Variants in LRRC28 observed in about 807,000 individuals in gnomAD.
LRRC28 encodes leucine-rich repeat-containing protein 28.
In LRRC28, 39 loss-of-function variants were observed where a neutral mutation model predicts 45.7. The ratio of observed to expected loss-of-function variants is 0.85; its 90% CI spans 0.66 to 1.12. The LOEUF is 1.12. Among genes scored for constraint, LRRC28 ranks in the 50% most tolerant of loss-of-function variants. LRRC28 has a pLI of 0.00. For synonymous variants in LRRC28, 206 were observed against 178.8 expected (o/e 1.15, Z -1.22); for missense variants, 435 against 438.5 (o/e 0.99, Z 0.07).
chr15:99,265,571 C>G (rs563112954), intron 2 of LRRC28, among the ~76,000 whole-genome samples: 1 of 152,226 alleles, frequency 6.6e-6, no homozygotes, highest in South Asian at 2.1e-4. Context: ...GCATCGGTCC[C>G]TGTGGTCTTT....
At chr15:99,295,092 C>A (rs2082228932) in intron 5 of LRRC28, among the ~76,000 whole-genome samples, 2 of 152,120 alleles carry the variant, frequency 1.3e-5, no homozygotes, top group South Asian at 2.1e-4. Context: ...TTGAGTAGTT[C>A]ATTGTGTTTT....
chr15:99,312,121 A>G (rs1008365070), intron 5 of LRRC28, among the ~76,000 whole-genome samples: 3 of 152,236 alleles, frequency 2.0e-5, no homozygotes, highest in African/African-American at 7.2e-5. Context: ...CTTAATGGGA[A>G]TACATTCTAA....
chr15:99,351,624 T>G (rs1347546150), intron 6 of LRRC28, among the ~76,000 whole-genome samples: 1 of 152,210 alleles, frequency 6.6e-6, no homozygotes, highest in Non-Finnish European at 1.5e-5. Flanking sequence ...GCCTGGATCT[T>G]CAGACTCCTG....
Position 99,300,596 on chromosome 15 carries a change from G to A in LRRC28, c.385+12645G>A, listed in dbSNP as rs577407129. 9.2e-5 allele frequency among the ~76,000 whole-genome samples: 14 copies of A among 152,306 alleles called. No individual in the cohort carries two copies. The South Asian group carries it at 2.1e-3, about 23-fold the overall frequency. ...AATCCCAGCACTTTGGGAGGCCGAT[G>A]TGGGTGGATCACTTGAGGTCAGGAG... is the stretch of plus-strand genomic sequence containing the variant. On this transcript the variant is annotated intron_variant, in intron 5 of 9. Transcript: ENST00000301981.
At chr15:99,362,598 G>A (rs926145878) in intron 8 of LRRC28, among the ~76,000 whole-genome samples, 1 of 151,662 alleles carries the variant, frequency 6.6e-6, no homozygotes, top group African/African-American at 2.4e-5. Flanking sequence ...AGTAAGTCAA[G>A]CAAACGCTTG....
chr15:99,294,719 C>CA (rs772813333), intron 5 of LRRC28, among the ~76,000 whole-genome samples: 51 of 152,324 alleles, frequency 3.3e-4, no homozygotes, highest in Non-Finnish European at 4.3e-4. Flanking sequence ...TAGGACCTCC[C>CA]AAAGGCCCCA....
intron 9 of LRRC28, among the ~76,000 whole-genome samples, chr15:99,366,476 G>C (rs138120253): frequency 1.4e-3 from 206 of 152,296 alleles, no homozygotes; most frequent in African/African-American, 4.0e-3. Flanking sequence ...CAAAATGACA[G>C]GGTGGCTTAA....
chr15:99,259,858 A>G (rs1462508682), intron 2 of LRRC28: 3 of 799,466 alleles, frequency 3.8e-6, no homozygotes, highest in East Asian at 4.9e-5. Context: ...GCCTTGCCTC[A>G]GTTTGAACAC....
chr15:99,352,334 A>C, intron 6 of LRRC28, 35 bp from the exon 7 acceptor site: 1 of 1,360,764 alleles, frequency 7.3e-7, no homozygotes, highest in Non-Finnish European at 1.0e-6. Context: ...TGGTGCCTGT[A>C]TATAGGAATT....
intron 6 of LRRC28, among the ~76,000 whole-genome samples, chr15:99,345,463 A>G (rs1481483859): frequency 1.3e-5 from 2 of 152,136 alleles, no homozygotes; most frequent in Non-Finnish European, 2.9e-5. Flanking sequence ...GGCCTTTCAT[A>G]TATGTTCTTT....
chr15:99,324,194 G>A (rs969550718), intron 5 of LRRC28, among the ~76,000 whole-genome samples: 3 of 152,156 alleles, frequency 2.0e-5, no homozygotes, highest in African/African-American at 7.2e-5. Context: ...GAGGAGGGTA[G>A]ACAGGGCGGG....
intron 3 of LRRC28, among the ~76,000 whole-genome samples, chr15:99,286,113 T>C (rs1426871683): frequency 6.6e-6 from 1 of 152,222 alleles, no homozygotes; most frequent in African/African-American, 2.4e-5. Flanking sequence ...AAAAGTACTT[T>C]ATAAATTTTT....
chr15:99,267,940 T>A (rs2081374686), intron 2 of LRRC28, among the ~76,000 whole-genome samples: 1 of 152,090 alleles, frequency 6.6e-6, no homozygotes, highest in Non-Finnish European at 1.5e-5. Flanking sequence ...ATTTATGGAG[T>A]CATAGGATTT....
In LRRC28 at chr15:99,386,334, G is replaced by A; in HGVS notation, c.*232G>A. On this transcript the variant is annotated 3_prime_UTR_variant, in exon 10 of 10. Coordinates refer to ENST00000301981, the MANE Select transcript of LRRC28 (RefSeq NM_144598.5). ...CTGTGTTTTTCCTTTTTATGTGAGT[G>A]TGTCTTTTACAGAAACCATTTAGAT... 2.1e-6 allele frequency: 1 copy of A among 469,612 alleles called. No individual in the cohort carries two copies. 29.1% of individuals were successfully genotyped at this position (469,612 alleles called of 1,614,324 possible).
intron 2 of LRRC28, among the ~76,000 whole-genome samples, chr15:99,273,065 G>A (rs10152912): frequency 0.85 from 129,600 of 152,198 alleles, 55,502 homozygotes; most frequent in African/African-American, 0.96. Flanking sequence ...TTATAGAAGT[G>A]TAAAAATTAA....
chr15:99,280,447 C>T (rs2081753105), intron 3 of LRRC28, among the ~76,000 whole-genome samples: 1 of 139,818 alleles, frequency 7.2e-6, no homozygotes, highest in African/African-American at 2.6e-5. Context: ...ACATTTATCA[C>T]CTATATTTTT....
intron 6 of LRRC28, among the ~76,000 whole-genome samples, chr15:99,347,271 G>T (rs1157902545): frequency 6.6e-6 from 1 of 151,298 alleles, no homozygotes; most frequent in Non-Finnish European, 1.5e-5. Flanking sequence ...GTGCAGTGGT[G>T]CTATCTCGGC....
chr15:99,346,778 C>T (rs1028955840), intron 6 of LRRC28, among the ~76,000 whole-genome samples: 2 of 152,128 alleles, frequency 1.3e-5, no homozygotes, highest in African/African-American at 4.8e-5. Flanking sequence ...TCATTACAAC[C>T]ATTACCTATT....
At chr15:99,268,450 G>C (rs1363774026) in intron 2 of LRRC28, among the ~76,000 whole-genome samples, 1 of 152,134 alleles carries the variant, frequency 6.6e-6, no homozygotes, top group African/African-American at 2.4e-5. Flanking sequence ...TGTACTCGAA[G>C]GGTGTTATTT....
Sources: gnomAD v4.1 joint callset for allele counts (sites outside exome capture counted in the v4.1 genomes callset) on GRCh38, gnomAD v4.1.1 for gene constraint, MANE v1.5 for transcripts, NCBI Gene and HGNC (gene_info 2026-07-23, HGNC 2026-07-21) for gene names.